DENND1A: variants seen among roughly 807,000 people sequenced by gnomAD.
The protein encoded by DENND1A is DENN domain containing 1A.
DENND1A carries 51 observed loss-of-function variants against 113.7 expected under a neutral mutation model. The observed-to-expected ratio is 0.45, with a 90% CI of 0.36 to 0.57. The LOEUF is 0.57. DENND1A is among the 20% of genes least tolerant of loss of function. DENND1A has a pLI of 0.00. For synonymous variants in DENND1A, 565 were observed against 570.8 expected (o/e 0.99, Z 0.14); for missense variants, 1,258 against 1,395.9 (o/e 0.90, Z 1.57).
intron 3 of DENND1A, among the ~76,000 whole-genome samples, chr9:123,781,383 C>T (rs979892731): frequency 2.6e-5 from 4 of 152,168 alleles, no homozygotes; most frequent in Non-Finnish European, 5.9e-5. Flanking sequence ...GTTGTTTCAT[C>T]TGCCTTGTGA....
At chr9:123,483,462 G>A (rs1321028977) in intron 13 of DENND1A, among the ~76,000 whole-genome samples, 3 of 152,226 alleles carry the variant, frequency 2.0e-5, no homozygotes, top group African/African-American at 7.2e-5. Flanking sequence ...CCTGGGTCTT[G>A]CAGGCCAGCC....
intron 2 of DENND1A, among the ~76,000 whole-genome samples, chr9:123,861,915 T>C (rs1178355901): frequency 6.6e-6 from 1 of 152,128 alleles, no homozygotes; most frequent in Non-Finnish European, 1.5e-5. Flanking sequence ...AGACACTTTT[T>C]TTAAATGCAC....
intron 17 of DENND1A, 92 bp from the exon 18 acceptor site, chr9:123,450,841 A>G: frequency 9.8e-7 from 1 of 1,020,344 alleles, no homozygotes; most frequent in Non-Finnish European, 1.4e-6. Context: ...ACCTTCTCTG[A>G]TTACTAGAAA....
At chr9:123,843,942 C>T (rs916912325) in intron 2 of DENND1A, among the ~76,000 whole-genome samples, 15 of 151,872 alleles carry the variant, frequency 9.9e-5, no homozygotes, top group East Asian at 1.9e-4. Flanking sequence ...TGTAATAAGC[C>T]GTATCTAGAG....
At chr9:123,519,212 T>C (rs2054185962) in intron 13 of DENND1A, among the ~76,000 whole-genome samples, 1 of 152,220 alleles carries the variant, frequency 6.6e-6, no homozygotes, top group African/African-American at 2.4e-5. Flanking sequence ...CTGTAAATGG[T>C]ACATCGGTCT....
At chr9:123,778,210 T>C (rs572654954) in intron 3 of DENND1A, among the ~76,000 whole-genome samples, 25 of 152,362 alleles carry the variant, frequency 1.6e-4, no homozygotes, top group African/African-American at 6.0e-4. Flanking sequence ...CATACATATT[T>C]CATTTTACTT....
At chr9:123,757,530 A>G (rs2070674408) in intron 5 of DENND1A, among the ~76,000 whole-genome samples, 173 bp downstream of exon 5, 1 of 152,262 alleles carries the variant, frequency 6.6e-6, no homozygotes. Context: ...AATTATCTGC[A>G]GAACTTACAG....
intron 20 of DENND1A, 33 bp from the exon 21 acceptor site, chr9:123,403,523 G>C: frequency 6.3e-7 from 1 of 1,592,602 alleles, no homozygotes; most frequent in South Asian, 1.1e-5. Flanking sequence ...GCCCCAAGAA[G>C]GAGTGAGTTG....
At chr9:123,527,298 A>T (rs1350163483) in intron 13 of DENND1A, among the ~76,000 whole-genome samples, 2 of 152,054 alleles carry the variant, frequency 1.3e-5, no homozygotes, top group Non-Finnish European at 2.9e-5. Context: ...TTTTCACACT[A>T]CTACCATAGC....
chr9:123,745,650 G>A (rs1467777686), intron 5 of DENND1A, among the ~76,000 whole-genome samples: 1 of 152,216 alleles, frequency 6.6e-6, no homozygotes, highest in Non-Finnish European at 1.5e-5. Flanking sequence ...ACAGTACACA[G>A]AAGTTAAGTC....
At chr9:123,793,663 T>G (rs1833340211) in intron 2 of DENND1A, among the ~76,000 whole-genome samples, 1 of 152,144 alleles carries the variant, frequency 6.6e-6, no homozygotes, top group Admixed American at 6.5e-5. Flanking sequence ...CTTGTGAAAA[T>G]GAATCCACGT....
intron 6 of DENND1A, among the ~76,000 whole-genome samples, chr9:123,671,637 A>G (rs542657024): frequency 1.3e-5 from 2 of 152,178 alleles, no homozygotes; most frequent in Admixed American, 6.5e-5. Context: ...ATCATATACC[A>G]TAAGCTCTCA....
chr9:123,457,926 C>A, intron 13 of DENND1A, 29 bp from the exon 14 acceptor site: 1 of 1,558,208 alleles, frequency 6.4e-7, no homozygotes, highest in East Asian at 2.3e-5. Context: ...AGAGGTGGGT[C>A]AGTGGCACGG....
At chr9:123,709,333 C>T (rs72757133) in intron 5 of DENND1A, among the ~76,000 whole-genome samples, 1 of 152,256 alleles carries the variant, frequency 6.6e-6, no homozygotes, top group Non-Finnish European at 1.5e-5. Flanking sequence ...TGTTCTTGTG[C>T]CTTTTGGATA....
At chr9:123,435,452 T>C (rs2046448108) in intron 19 of DENND1A, among the ~76,000 whole-genome samples, 1 of 152,182 alleles carries the variant, frequency 6.6e-6, no homozygotes, top group Non-Finnish European at 1.5e-5. Context: ...CGGTGGTGCT[T>C]GGTTTTGGTT....
At chr9:123,901,704 C>A (rs1198715573) in intron 1 of DENND1A, among the ~76,000 whole-genome samples, 3 of 152,122 alleles carry the variant, frequency 2.0e-5, no homozygotes, top group African/African-American at 7.2e-5. Context: ...CTTGATAATT[C>A]TCACTGACAC....
intron 5 of DENND1A, among the ~76,000 whole-genome samples, chr9:123,698,619 C>T (rs940108414): frequency 3.9e-5 from 6 of 152,186 alleles, no homozygotes; most frequent in South Asian, 4.1e-4. Context: ...GTTTCTCCTT[C>T]GTTTTACAAC....
At chr9:123,554,908 A>T (rs923718369) in intron 13 of DENND1A, among the ~76,000 whole-genome samples, 8 of 152,236 alleles carry the variant, frequency 5.3e-5, no homozygotes, top group Non-Finnish European at 1.2e-4. Flanking sequence ...AAGCTGATAG[A>T]ATATTACATA....
At chr9:123,607,878 G>A (rs978006665) in intron 11 of DENND1A, among the ~76,000 whole-genome samples, 4 of 152,048 alleles carry the variant, frequency 2.6e-5, no homozygotes, top group Admixed American at 6.5e-5. Context: ...GAAGGCAGGA[G>A]GAGAGGCAAG....
Sources: gnomAD v4.1 joint callset for allele counts (sites outside exome capture counted in the v4.1 genomes callset) on GRCh38, gnomAD v4.1.1 for gene constraint, MANE v1.5 for transcripts, NCBI Gene and HGNC (gene_info 2026-07-23, HGNC 2026-07-21) for gene names.